Variants in DLGAP1 observed in about 807,000 individuals in gnomAD.
The protein encoded by DLGAP1 is disks large-associated protein 1.
In DLGAP1, 11 loss-of-function variants were observed where a neutral mutation model predicts 90.8. That is an observed-to-expected ratio of 0.12 (90% CI 0.08 to 0.20). The LOEUF (loss-of-function observed/expected upper bound fraction) is 0.20. Among genes scored for constraint, DLGAP1 ranks in the 10% least tolerant of loss-of-function variants. The pLI, the probability that DLGAP1 is intolerant of heterozygous loss-of-function variation, is 1.00. For missense variants in DLGAP1, 1,050 were observed against 1,333.8 expected, an observed-to-expected ratio of 0.79 and a Z score of 3.31; for synonymous variants, 558 against 540.7, an observed-to-expected ratio of 1.03 and a Z score of -0.44.
intron 3 of DLGAP1, among the ~76,000 whole-genome samples, chr18:3,936,182 A>G (rs2072634193): frequency 1.3e-5 from 2 of 152,202 alleles, no homozygotes; most frequent in South Asian, 2.1e-4. Flanking sequence ...TGCACAGACA[A>G]TAAGAGTATT....
At chr18:4,369,775 C>T (rs896116895) in intron 1 of DLGAP1, among the ~76,000 whole-genome samples, 3 of 121,086 alleles carry the variant, frequency 2.5e-5, no homozygotes, top group Non-Finnish European at 4.9e-5. Context: ...GGTAACAAAA[C>T]CTAGTATAAA....
intron 7 of DLGAP1, among the ~76,000 whole-genome samples, chr18:3,616,875 G>A (rs1488822060): frequency 6.6e-6 from 1 of 152,202 alleles, no homozygotes; most frequent in East Asian, 1.9e-4. Context: ...AAGTGACACT[G>A]CATGACCTCT....
chr18:3,741,278 C>G (rs573586452), intron 6 of DLGAP1, among the ~76,000 whole-genome samples: 17 of 117,004 alleles, frequency 1.5e-4, no homozygotes, highest in Non-Finnish European at 2.3e-4. Context: ...CACCACATCA[C>G]CATCACCACC....
At chr18:4,277,398 G>A (rs531917243) in intron 1 of DLGAP1, among the ~76,000 whole-genome samples, 7 of 152,222 alleles carry the variant, frequency 4.6e-5, no homozygotes, top group East Asian at 1.9e-4. Flanking sequence ...ACTGTAATAC[G>A]CATTCTGATA....
chr18:4,453,811 G>A (rs768407884), intron 1 of DLGAP1, among the ~76,000 whole-genome samples: 1 of 152,138 alleles, frequency 6.6e-6, no homozygotes, highest in Non-Finnish European at 1.5e-5. Context: ...CACCTCCCAC[G>A]ACCGGGAGTC....
intron 3 of DLGAP1, among the ~76,000 whole-genome samples, chr18:3,937,368 G>A (rs1222785178): frequency 2.0e-5 from 3 of 152,162 alleles, no homozygotes; most frequent in Non-Finnish European, 4.4e-5. Context: ...GTCTTACAAG[G>A]TGGTAGGCAA....
In DLGAP1 at chr18:3,845,157, T is replaced by C. The variant is rs530981343; in HGVS notation, c.958-30884A>G. 18 of 1,549,086 alleles carry C rather than the reference T, an allele frequency of 1.2e-5. 2 individuals carry two copies. In the South Asian group the frequency reaches 1.3e-4, roughly 11 times the overall value. On this transcript the variant is annotated intron_variant, in intron 4 of 12. Coordinates refer to ENST00000315677, the MANE Select transcript of DLGAP1 (RefSeq NM_004746.4). ...CTCCAGTATGTTAAAAGAAAGATGA[T>C]AGATTAGCACAGAAATCAAGCACAA...
intron 5 of DLGAP1, among the ~76,000 whole-genome samples, chr18:3,804,603 G>A (rs2066480248): frequency 6.6e-6 from 1 of 152,212 alleles, no homozygotes; most frequent in Admixed American, 6.5e-5. Context: ...TTCAGAAGCA[G>A]AGGGAGGGGG....
At chr18:4,226,403 A>G (rs2078187952) in intron 1 of DLGAP1, among the ~76,000 whole-genome samples, 1 of 152,148 alleles carries the variant, frequency 6.6e-6, no homozygotes, top group South Asian at 2.1e-4. Flanking sequence ...ATATAATAAC[A>G]TTGTAACTGT....
At chr18:4,353,675 T>C (rs2081445785) in intron 1 of DLGAP1, among the ~76,000 whole-genome samples, 1 of 151,270 alleles carries the variant, frequency 6.6e-6, no homozygotes, top group African/African-American at 2.4e-5. Context: ...TAAAATGTTA[T>C]ATTTAAATAT....
intron 7 of DLGAP1, among the ~76,000 whole-genome samples, chr18:3,646,453 T>C (rs913095207): frequency 3.3e-5 from 5 of 152,244 alleles, no homozygotes; most frequent in African/African-American, 1.2e-4. Flanking sequence ...ACCAAAACCA[T>C]AATCAGATAA....
At chr18:4,077,079 T>C (rs1258527070) in intron 2 of DLGAP1, among the ~76,000 whole-genome samples, 1 of 152,184 alleles carries the variant, frequency 6.6e-6, no homozygotes, top group Non-Finnish European at 1.5e-5. Flanking sequence ...TATAAATGAA[T>C]GACCTTCACT....
At position 4,161,609 on chromosome 18, in the gene DLGAP1, A is replaced by AT. The variant is rs199608958; in HGVS notation, c.-266-10323dup. On this transcript the variant is annotated intron_variant, in intron 1 of 12. Transcript: ENST00000315677. ...CTATGCCAAAGTATAGAAGAGCCTT[A>AT]TTTTTTAAAAAATCAGGTTGGTGAC... Among the ~76,000 whole-genome samples, 600 of 152,202 alleles carry AT rather than the reference A, an allele frequency of 3.9e-3. 11 individuals are homozygous for AT. The highest frequency in any genetic ancestry group is 0.014 in the African/African-American group (570 of 41,534).
intron 3 of DLGAP1, among the ~76,000 whole-genome samples, chr18:3,938,238 T>C (rs2072685744): frequency 6.6e-6 from 1 of 152,166 alleles, no homozygotes. Context: ...TTCATCTGAC[T>C]AGGGAGCTGA....
At chr18:4,401,794 C>A (rs11876790) in intron 1 of DLGAP1, among the ~76,000 whole-genome samples, 14,335 of 152,100 alleles carry the variant, frequency 0.094, 1,212 homozygotes, top group African/African-American at 0.23. Flanking sequence ...AAAAGAAAAG[C>A]CATGTTTTTA....
At chr18:3,586,452 G>A (rs1022809908) in intron 7 of DLGAP1, among the ~76,000 whole-genome samples, 5 of 152,038 alleles carry the variant, frequency 3.3e-5, no homozygotes, top group Non-Finnish European at 7.4e-5. Flanking sequence ...GTCCAGTCAT[G>A]GGCTAGGAAG....
intron 1 of DLGAP1, among the ~76,000 whole-genome samples, chr18:4,209,630 G>C (rs1017651676): frequency 6.6e-6 from 1 of 152,036 alleles, no homozygotes; most frequent in Non-Finnish European, 1.5e-5. Context: ...ATCCTTTTGA[G>C]GGGAACAAGA....
intron 3 of DLGAP1, among the ~76,000 whole-genome samples, chr18:3,912,193 A>C (rs73940288): frequency 0.028 from 4,326 of 152,318 alleles, 201 homozygotes; most frequent in African/African-American, 0.096. Context: ...AAACCAAAAT[A>C]AGATTTCTTG....
intron 2 of DLGAP1, among the ~76,000 whole-genome samples, chr18:4,042,869 C>A (rs1043667134): frequency 2.6e-5 from 4 of 152,154 alleles, no homozygotes; most frequent in Non-Finnish European, 5.9e-5. Context: ...AAAAGATCAT[C>A]ATTTTGGCTA....
Sources: gnomAD v4.1 joint callset for allele counts (sites outside exome capture counted in the v4.1 genomes callset) on GRCh38, gnomAD v4.1.1 for gene constraint, MANE v1.5 for transcripts, NCBI Gene and HGNC (gene_info 2026-07-23, HGNC 2026-07-21) for gene names.